Variants in MRPL39 observed in about 807,000 individuals in gnomAD.
MRPL39 encodes mitochondrial ribosomal protein L39, also known as large ribosomal subunit protein mL39.
In MRPL39, 35 loss-of-function variants were observed where a neutral mutation model predicts 44.5. The ratio of observed to expected loss-of-function variants is 0.79; its 90% confidence interval spans 0.60 to 1.04. The LOEUF (loss-of-function observed/expected upper bound fraction) is 1.04. MRPL39 is among the 50% of genes least tolerant of loss of function. The pLI, the probability that MRPL39 is intolerant of heterozygous loss-of-function variation, is 0.00. For missense variants in MRPL39, 433 were observed against 413.5 expected (o/e 1.05, Z -0.41); for synonymous variants, 139 against 136.1 (o/e 1.02, Z -0.15).
At chr21:25,597,993 T>A (rs1030312334) in intron 5 of MRPL39, among the ~76,000 whole-genome samples, 1 of 152,152 alleles carries the variant, frequency 6.6e-6, no homozygotes, top group African/African-American at 2.4e-5. Context: ...TGTTTAAGAT[T>A]TTTAATAAAA....
chr21:25,590,560 T>C (rs2031142364), intron 8 of MRPL39, among the ~76,000 whole-genome samples: 1 of 152,192 alleles, frequency 6.6e-6, no homozygotes, highest in African/African-American at 2.4e-5. Flanking sequence ...GAAGCAGGTA[T>C]GTGGAGAAAA....
At chr21:25,593,580 T>G (rs2031249794) in intron 7 of MRPL39, among the ~76,000 whole-genome samples, 1 of 152,242 alleles carries the variant, frequency 6.6e-6, no homozygotes, top group Non-Finnish European at 1.5e-5. Flanking sequence ...CGATGTTCAA[T>G]TCATCACAAT....
intron 4 of MRPL39, among the ~76,000 whole-genome samples, chr21:25,600,503 T>G (rs1246115181): frequency 6.6e-6 from 1 of 151,924 alleles, no homozygotes; most frequent in Non-Finnish European, 1.5e-5. Flanking sequence ...CCTAAATATC[T>G]TCTTTTTGGG....
At chr21:25,601,649 A>G (rs1450284144) in intron 3 of MRPL39, among the ~76,000 whole-genome samples, 182 bp from the exon 4 acceptor site, 2 of 152,188 alleles carry the variant, frequency 1.3e-5, no homozygotes, top group Admixed American at 1.3e-4. Context: ...GCAAAAATCA[A>G]AAAAGAATGA....
intron 8 of MRPL39, among the ~76,000 whole-genome samples, chr21:25,591,203 AGG>A (rs2031169951): frequency 6.6e-6 from 1 of 152,062 alleles, no homozygotes; most frequent in South Asian, 2.1e-4. Flanking sequence ...GAAAAAAAAA[AGG>A]AGAAAATCTT....
chr21:25,593,553 A>G (rs1216772089), intron 7 of MRPL39, among the ~76,000 whole-genome samples: 2 of 152,246 alleles, frequency 1.3e-5, no homozygotes, highest in Non-Finnish European at 2.9e-5. Flanking sequence ...CTAGTTAGTC[A>G]GTATTCATAT....
At chr21:25,607,593 G>T (rs1024209545), upstream of MRPL39, 15 of 1,005,550 alleles carry the variant, frequency 1.5e-5, no homozygotes, top group Non-Finnish European at 2.0e-5. Context: ...CAGACTGCTC[G>T]CCTCCACCGG....
chr21:25,595,320 C>T (rs559446832), intron 6 of MRPL39, among the ~76,000 whole-genome samples: 109 of 152,308 alleles, frequency 7.2e-4, no homozygotes, highest in African/African-American at 2.4e-3. Flanking sequence ...ATGCTCCTGT[C>T]CCCTGAGAGT....
upstream of MRPL39, among the ~76,000 whole-genome samples, chr21:25,607,718 C>G (rs552387085): frequency 5.4e-4 from 82 of 152,328 alleles, no homozygotes; most frequent in South Asian, 2.9e-3. Flanking sequence ...TGCAGGGCCC[C>G]CAGGGCGGTC....
intron 4 of MRPL39, among the ~76,000 whole-genome samples, chr21:25,600,222 C>A (rs2031479243): frequency 6.6e-6 from 1 of 151,636 alleles, no homozygotes; most frequent in African/African-American, 2.4e-5. Flanking sequence ...ATAGTAAAAC[C>A]CCATCTCTAC....
At chr21:25,587,247 T>C (rs1467997133) in intron 9 of MRPL39, among the ~76,000 whole-genome samples, 1 of 152,236 alleles carries the variant, frequency 6.6e-6, no homozygotes, top group East Asian at 1.9e-4. Context: ...TTCTTTAGCT[T>C]TTTAAATTTT....
intron 8 of MRPL39, among the ~76,000 whole-genome samples, chr21:25,590,939 TG>T (rs1174864562): frequency 6.6e-6 from 1 of 152,128 alleles, no homozygotes; most frequent in African/African-American, 2.4e-5. Context: ...ATGTGATCAA[TG>T]GAACAGAATA....
rs551715781 is a variant in MRPL39, at chr21:25,587,947, T to C, written c.969+888A>G. Among the ~76,000 whole-genome samples the C allele has an allele frequency of 2.2e-4, 34 of 152,262 alleles. 1 individual carries two copies. In the South Asian group the frequency reaches 7.1e-3, roughly 32 times the overall value. On this transcript the variant is annotated intron_variant, in intron 9 of 9. Coordinates refer to ENST00000352957, the MANE Select transcript of MRPL39 (RefSeq NM_017446.4). ...GAGGACAGATTACACAGGACAGCTA[T>C]CAGATAACCTAAGTAAAAGAGGCAC...
chr21:25,596,281 A>G (rs893709118), intron 6 of MRPL39, among the ~76,000 whole-genome samples: 1 of 152,032 alleles, frequency 6.6e-6, no homozygotes, highest in Non-Finnish European at 1.5e-5. Flanking sequence ...TGTATTTTTA[A>G]AAGAGACGGG....
intron 1 of MRPL39, 127 bp downstream of exon 1, chr21:25,607,276 G>A: frequency 1.0e-6 from 1 of 998,252 alleles, no homozygotes; most frequent in South Asian, 1.5e-5. Flanking sequence ...CGACCGCCGC[G>A]GAGGGACTAA....
At chr21:25,591,239 G>A (rs1294873712) in intron 8 of MRPL39, among the ~76,000 whole-genome samples, 2 of 151,008 alleles carry the variant, frequency 1.3e-5, no homozygotes, top group Non-Finnish European at 2.9e-5. Flanking sequence ...TGGTCAAAGA[G>A]TTCTTAGAAT....
Position 25,601,387 on chromosome 21 carries a change from G to T in MRPL39, c.501C>A (p.Val167=). ...CACTACCAGGAACTTCTGGAGCTCT[G>T]ACCAAATTGACCATATATTCATCTT... ...AFKDEYMVNL[V]RAPEVPVISG... is the part of the protein sequence containing the mutation. The change falls in exon 4 of 10, where the codon GTC becomes GTA. Residue 167 remains valine, a synonymous_variant. Transcript: ENST00000352957. 1.2e-6 allele frequency: 2 copies of T among 1,609,608 alleles called. No homozygotes were observed. The highest frequency in any genetic ancestry group is 2.2e-5 in the South Asian group (2 of 90,530).
chr21:25,589,610 A>C (rs979472929), intron 8 of MRPL39, among the ~76,000 whole-genome samples: 3 of 152,218 alleles, frequency 2.0e-5, no homozygotes, highest in Non-Finnish European at 4.4e-5. Context: ...GAGGATTATC[A>C]GAATGCATTA....
chr21:25,596,122 G>A (rs1422740989), intron 6 of MRPL39, among the ~76,000 whole-genome samples: 4 of 150,366 alleles, frequency 2.7e-5, no homozygotes, highest in South Asian at 2.1e-4. Context: ...TTTTTGAGAC[G>A]GAGTCTCGCT....
Sources: gnomAD v4.1 joint callset for allele counts (sites outside exome capture counted in the v4.1 genomes callset) on GRCh38, gnomAD v4.1.1 for gene constraint, MANE v1.5 for transcripts, NCBI Gene and HGNC (gene_info 2026-07-23, HGNC 2026-07-21) for gene names.